CKAP2L: variants seen among roughly 807,000 people sequenced by gnomAD.
The protein encoded by CKAP2L is cytoskeleton-associated protein 2-like.
In CKAP2L, 42 loss-of-function variants were observed where a neutral mutation model predicts 65.7. The ratio of observed to expected loss-of-function variants is 0.64; its 90% CI spans 0.50 to 0.83. The LOEUF (loss-of-function observed/expected upper bound fraction) is 0.83. CKAP2L is among the 40% of genes least tolerant of loss of function. The pLI, the probability that CKAP2L is intolerant of heterozygous loss-of-function variation, is 0.00. For missense variants in CKAP2L, 908 were observed against 871.0 expected, an observed-to-expected ratio of 1.04 and a Z score of -0.53; for synonymous variants, 325 against 313.5, an observed-to-expected ratio of 1.04 and a Z score of -0.39.
intron 5 of CKAP2L, among the ~76,000 whole-genome samples, chr2:112,747,017 C>T (rs1177695963): frequency 6.6e-6 from 1 of 151,980 alleles, no homozygotes; most frequent in South Asian, 2.1e-4. Flanking sequence ...TCTTGATCTC[C>T]TGACCTCGTG....
chr2:112,752,444 C>T lies in CKAP2L; in HGVS notation c.1425G>A (p.Lys475=), dbSNP rs754569493. 1.9e-6 allele frequency: 3 copies of T among 1,608,762 alleles called. No individual in the cohort carries two copies. In the South Asian group the frequency reaches 3.3e-5, roughly 18 times the overall value. ...TAGGAGGCCGTTTATAGGTTTTTCC[C>T]TTAGATTTCTGCCATTCTTCTAGTT... is the stretch of plus-strand genomic sequence containing the variant. The part of the protein sequence containing the change: ...RKQLEEWQKS[K]GKTYKRPPME... Residue 475 remains lysine (K), a synonymous_variant, in exon 5 of 9, where the codon AAG becomes AAA. Coordinates refer to ENST00000302450, the MANE Select transcript of CKAP2L (RefSeq NM_152515.5).
Position 112,757,168 on chromosome 2 carries a change from A to T in CKAP2L, c.203T>A (p.Val68Asp). ...AATGCTGATGGACCTTTTAGGTTTG[A>T]CAGGCAAAACAACATGGTTGGTAAC... ...NDVTNHVVLP[V>D]KPKRSISIKL... Residue 68 changes from valine (V) to aspartate (D), a missense_variant, in exon 4 of 9, where the codon GTC becomes GAC. Val to Asp is a radical substitution (Grantham distance 152). Coordinates refer to ENST00000302450, the MANE Select transcript of CKAP2L (RefSeq NM_152515.5). 6.2e-7 allele frequency: 1 copy of T among 1,613,174 alleles called. No individual in the cohort carries two copies. The highest frequency in any genetic ancestry group is 8.5e-7 in the Non-Finnish European group (1 of 1,179,462).
chr2:112,755,817 G>A (rs188221675), intron 4 of CKAP2L, among the ~76,000 whole-genome samples, 160 bp downstream of exon 4: 24 of 151,854 alleles, frequency 1.6e-4, no homozygotes, highest in Admixed American at 1.5e-3. Context: ...GCCCTGTCAA[G>A]TCTTAATATT....
Position 112,746,591 on chromosome 2 carries a change from A to G in CKAP2L, c.1603-16T>C, listed in dbSNP as rs372997623. The G allele has an allele frequency of 1.1e-5, 17 of 1,582,290 alleles. No individual in the cohort carries two copies. The African/African-American group carries it at 1.2e-4, about 11-fold the overall frequency. Reference sequence around the variant, plus strand: ...AAGGTACACCCTGAAATAAACCAAAATATCCAGAGGTAATTATTACCATTT... The same window carrying G: ...AAGGTACACCCTGAAATAAACCAAAGTATCCAGAGGTAATTATTACCATTT... On this transcript the variant is annotated splice_polypyrimidine_tract_variant and intron_variant, in intron 5 of 8. Transcript: ENST00000302450.
rs1337131995 is a variant in CKAP2L at position 112,746,590 on chromosome 2, A to G, written c.1603-15T>C. 1 of 1,584,254 alleles carries G rather than the reference A, an allele frequency of 6.3e-7. No homozygotes were observed. The highest frequency in any genetic ancestry group is 8.7e-7 in the Non-Finnish European group (1 of 1,155,862). On this transcript the variant is annotated splice_polypyrimidine_tract_variant and intron_variant, in intron 5 of 8. Coordinates refer to ENST00000302450, the MANE Select transcript of CKAP2L (RefSeq NM_152515.5). ...GAAGGTACACCCTGAAATAAACCAA[A>G]ATATCCAGAGGTAATTATTACCATT... is the stretch of plus-strand genomic sequence containing the variant.
intron 7 of CKAP2L, 130 bp from the exon 8 acceptor site, chr2:112,741,137 G>A (rs1679923988): frequency 3.0e-6 from 2 of 676,222 alleles, no homozygotes; most frequent in South Asian, 3.7e-5. Flanking sequence ...ATACTGAATA[G>A]TGATTGATTT....
chr2:112,744,693 G>A (rs549231964), intron 6 of CKAP2L, among the ~76,000 whole-genome samples: 9 of 152,292 alleles, frequency 5.9e-5, no homozygotes, highest in African/African-American at 2.2e-4. Flanking sequence ...CCAGGAAGGA[G>A]ATTGGAACAG....
chr2:112,740,741 A>C (rs1679879228), intron 8 of CKAP2L, 77 bp downstream of exon 8: 2 of 1,212,074 alleles, frequency 1.7e-6, no homozygotes, highest in Non-Finnish European at 2.4e-6. Flanking sequence ...CAGTTACTCT[A>C]GATCTGTGAA....
In CKAP2L at chr2:112,757,189, G is replaced by A; in HGVS notation, c.182C>T (p.Thr61Ile). The change falls in exon 4 of 9, where the codon ACC becomes ATC. Residue 61 changes from threonine (T) to isoleucine (I), a missense_variant. Coordinates refer to ENST00000302450, the MANE Select transcript of CKAP2L (RefSeq NM_152515.5). ...KSTIRPKNDV[T>I]NHVVLPVKPK... ...TTTGACAGGCAAAACAACATGGTTG[G>A]TAACATCATTTTTGGGTCTAATAGT... is the stretch of plus-strand genomic sequence containing the variant. 1 of 1,607,928 alleles carries A rather than the reference G, an allele frequency of 6.2e-7. No individual in the cohort carries two copies.
chr2:112,752,596 G>A, intron 4 of CKAP2L, 122 bp from the exon 5 acceptor site: 1 of 681,412 alleles, frequency 1.5e-6, no homozygotes, highest in Non-Finnish European at 2.4e-6. Flanking sequence ...AAAATCAGGA[G>A]AATGGAATTA....
At chr2:112,751,491 A>G (rs934745841) in intron 5 of CKAP2L, among the ~76,000 whole-genome samples, 4 of 152,200 alleles carry the variant, frequency 2.6e-5, no homozygotes, top group Non-Finnish European at 4.4e-5. Context: ...AATGATTTCA[A>G]TAATAAAAAG....
At chr2:112,752,608 A>G in intron 4 of CKAP2L, 134 bp from the exon 5 acceptor site, 1 of 652,442 alleles carries the variant, frequency 1.5e-6, no homozygotes. Context: ...ATGGAATTAA[A>G]AAACAATTTA....
At chr2:112,749,987 C>T (rs1461981152) in intron 5 of CKAP2L, among the ~76,000 whole-genome samples, 1 of 152,128 alleles carries the variant, frequency 6.6e-6, no homozygotes, top group Non-Finnish European at 1.5e-5. Flanking sequence ...CAGAGCCCAC[C>T]TCCCTGTGCA....
intron 4 of CKAP2L, among the ~76,000 whole-genome samples, chr2:112,754,821 G>T (rs1348595344): frequency 6.6e-6 from 1 of 152,138 alleles, no homozygotes; most frequent in Non-Finnish European, 1.5e-5. Context: ...ACCACCTCAA[G>T]GTCTCTGCAC....
At position 112,756,325 on chromosome 2, in the gene CKAP2L, G is replaced by A. The variant is rs1255191169; in HGVS notation, c.1046C>T (p.Pro349Leu). The change falls in exon 4 of 9, where the codon CCA becomes CTA. Residue 349 changes from proline (P) to leucine (L), a missense_variant. Transcript: ENST00000302450. ...LLQGEYNNRH[P>L]NIKQDQKSSQ... ...GGACTTCTGATCTTGCTTGATGTTTGGATGTCTGTTGTTATATTCACCCTG... is the reference window on the plus strand; with the variant it reads ...GGACTTCTGATCTTGCTTGATGTTTAGATGTCTGTTGTTATATTCACCCTG... 1.9e-6 allele frequency: 3 copies of A among 1,613,622 alleles called. No individual in the cohort carries two copies. Among genetic ancestry groups the A allele is most frequent in the African/African-American group, 1.3e-5 (1 of 74,882 alleles).
chr2:112,761,587 A>G (rs2104892292), intron 2 of CKAP2L, among the ~76,000 whole-genome samples: 1 of 152,092 alleles, frequency 6.6e-6, no homozygotes, highest in African/African-American at 2.4e-5. Flanking sequence ...AAATATAGCT[A>G]GTGAGACAGG....
rs1680203514 is a variant in CKAP2L, at chr2:112,746,456, A to G, written c.1722T>C (p.Ile574=). The change falls in exon 6 of 9, where the codon ATT becomes ATC. Residue 574 remains isoleucine, a synonymous_variant. Coordinates refer to ENST00000302450, the MANE Select transcript of CKAP2L (RefSeq NM_152515.5). ...LLASKGTFDV[I]GLYEEAIKNG... ...TTTTAATGGCCTCTTCATATAGCCC[A>G]ATAACATCAAAGGTGCCTTTACTTG... 2.5e-6 allele frequency: 4 copies of G among 1,613,064 alleles called. No homozygotes were observed. The highest frequency in any genetic ancestry group is 1.7e-4 in the Middle Eastern group (1 of 6,052).
chr2:112,755,127 A>G (rs1680490523), intron 4 of CKAP2L, among the ~76,000 whole-genome samples: 1 of 152,132 alleles, frequency 6.6e-6, no homozygotes, highest in South Asian at 2.1e-4. Context: ...TTCACTCGTC[A>G]GAAATTTCCT....
intron 5 of CKAP2L, among the ~76,000 whole-genome samples, chr2:112,749,939 G>A (rs1462397946): frequency 6.6e-6 from 1 of 152,150 alleles, no homozygotes; most frequent in Non-Finnish European, 1.5e-5. Flanking sequence ...CCCTCACCCT[G>A]GCAGTAACAG....
Sources: gnomAD v4.1 joint callset for allele counts (sites outside exome capture counted in the v4.1 genomes callset) on GRCh38, gnomAD v4.1.1 for gene constraint, MANE v1.5 for transcripts, NCBI Gene and HGNC (gene_info 2026-07-23, HGNC 2026-07-21) for gene names.